PRDM5: variants seen among roughly 807,000 people sequenced by gnomAD.
The protein encoded by PRDM5 is PR domain zinc finger protein 5.
A neutral mutation model predicts 81.2 loss-of-function variants in PRDM5; 56 were observed. The observed-to-expected ratio is 0.69, with a 90% CI of 0.56 to 0.86. The LOEUF is 0.86. PRDM5 is among the 40% of genes least tolerant of loss of function. PRDM5 has a pLI of 0.00. For synonymous variants in PRDM5, 267 were observed against 256.4 expected (o/e 1.04, Z -0.39); for missense variants, 697 against 770.1 (o/e 0.91, Z 1.12).
chr4:120,728,158 A>G (rs1160803092), intron 14 of PRDM5, among the ~76,000 whole-genome samples: 1 of 151,834 alleles, frequency 6.6e-6, no homozygotes, highest in Non-Finnish European at 1.5e-5. Flanking sequence ...TTTCTAGACA[A>G]CAAATCTCAG....
chr4:120,747,676 A>T (rs1274417399), intron 14 of PRDM5, among the ~76,000 whole-genome samples: 1 of 152,182 alleles, frequency 6.6e-6, no homozygotes, highest in African/African-American at 2.4e-5. Context: ...CAATCTGAGG[A>T]TCAGGGATAA....
chr4:120,831,905 G>A (rs1173689943), intron 3 of PRDM5, among the ~76,000 whole-genome samples: 1 of 152,002 alleles, frequency 6.6e-6, no homozygotes, highest in Non-Finnish European at 1.5e-5. Flanking sequence ...AACATGAATT[G>A]GTCCACATCA....
At chr4:120,791,850 T>C (rs1156912992) in intron 10 of PRDM5, among the ~76,000 whole-genome samples, 2 of 152,198 alleles carry the variant, frequency 1.3e-5, no homozygotes, top group Non-Finnish European at 2.9e-5. Flanking sequence ...AGTGCCGTTA[T>C]CAAAAGAGAT....
chr4:120,770,581 T>C (rs1205365780), intron 13 of PRDM5, among the ~76,000 whole-genome samples: 1 of 152,072 alleles, frequency 6.6e-6, no homozygotes, highest in East Asian at 1.9e-4. Flanking sequence ...TTCAATTGTA[T>C]GCTTAGGTTC....
intron 3 of PRDM5, among the ~76,000 whole-genome samples, chr4:120,845,632 G>A (rs1037415177): frequency 2.0e-5 from 3 of 152,192 alleles, no homozygotes; most frequent in Non-Finnish European, 4.4e-5. Context: ...CTCTGATGGA[G>A]TGTTCAAGAA....
At chr4:120,907,311 G>A (rs1185491966) in intron 2 of PRDM5, among the ~76,000 whole-genome samples, 163 bp downstream of exon 2, 1 of 142,184 alleles carries the variant, frequency 7.0e-6, no homozygotes, top group African/African-American at 2.7e-5. Context: ...TCCAGCCTGG[G>A]CAACAAGAGC....
intron 11 of PRDM5, 69 bp downstream of exon 11, chr4:120,784,929 T>C: frequency 7.9e-7 from 1 of 1,260,764 alleles, no homozygotes; most frequent in Non-Finnish European, 1.2e-6. Flanking sequence ...ATGTCTACAT[T>C]CTCAAAGGTT....
chr4:120,913,283 G>A (rs960254346), intron 1 of PRDM5, among the ~76,000 whole-genome samples: 6 of 152,224 alleles, frequency 3.9e-5, no homozygotes, highest in African/African-American at 9.6e-5. Flanking sequence ...AGCTGGGGCT[G>A]AAGCAGCCAC....
chr4:120,857,650 C>T (rs1484096143), intron 2 of PRDM5, among the ~76,000 whole-genome samples: 2 of 151,982 alleles, frequency 1.3e-5, no homozygotes, highest in African/African-American at 4.8e-5. Flanking sequence ...TGTGTTTCCA[C>T]CCAGAAAAAG....
At chr4:120,766,109 A>C (rs1043071153) in intron 13 of PRDM5, among the ~76,000 whole-genome samples, 1 of 151,920 alleles carries the variant, frequency 6.6e-6, no homozygotes, top group African/African-American at 2.4e-5. Context: ...GCAGGTGTGC[A>C]CCACCACGCC....
chr4:120,775,569 A>G (rs578107494), intron 13 of PRDM5, among the ~76,000 whole-genome samples: 105 of 152,252 alleles, frequency 6.9e-4, no homozygotes, highest in African/African-American at 2.2e-3. Flanking sequence ...AACACACTAT[A>G]CCAAACATAA....
At chr4:120,722,770 T>C (rs1017014533) in intron 14 of PRDM5, among the ~76,000 whole-genome samples, 2 of 152,070 alleles carry the variant, frequency 1.3e-5, no homozygotes, top group African/African-American at 4.8e-5. Context: ...GAAGAGAAGG[T>C]AAGTCTATGG....
intron 14 of PRDM5, among the ~76,000 whole-genome samples, chr4:120,714,883 G>T (rs1483883651): frequency 6.6e-6 from 1 of 152,116 alleles, no homozygotes; most frequent in Non-Finnish European, 1.5e-5. Context: ...GGCAGATATT[G>T]TAAGTCTGAA....
intron 2 of PRDM5, among the ~76,000 whole-genome samples, chr4:120,899,140 C>T (rs915965711): frequency 3.8e-5 from 5 of 132,890 alleles, no homozygotes; most frequent in Non-Finnish European, 8.3e-5. Flanking sequence ...CAGCTGATTA[C>T]TGAGACCCTG....
chr4:120,733,900 A>C (rs951737727), intron 14 of PRDM5, among the ~76,000 whole-genome samples: 58 of 151,918 alleles, frequency 3.8e-4, no homozygotes, highest in African/African-American at 1.4e-3. Context: ...AGTAAAAAAA[A>C]AAAAAAACAA....
At chr4:120,756,030 C>CA (rs1466302194) in intron 13 of PRDM5, among the ~76,000 whole-genome samples, 9 of 152,188 alleles carry the variant, frequency 5.9e-5, no homozygotes, top group Non-Finnish European at 1.5e-5. Flanking sequence ...TTCTCTGAGA[C>CA]AAAATCAACC....
chr4:120,855,963 T>C (rs973220489), intron 2 of PRDM5, among the ~76,000 whole-genome samples: 1 of 152,234 alleles, frequency 6.6e-6, no homozygotes, highest in African/African-American at 2.4e-5. Flanking sequence ...GTGTTTAACA[T>C]CTGGAATTCT....
chr4:120,920,264 T>A lies in PRDM5; in HGVS notation c.93+2252A>T, dbSNP rs563286460. 9.4e-4 allele frequency among the ~76,000 whole-genome samples: 143 copies of A among 152,224 alleles called. 2 individuals are homozygous for A. The highest frequency in any genetic ancestry group is 1.7e-3 in the Admixed American group (26 of 15,284). On this transcript the variant is annotated intron_variant, in intron 1 of 15. Coordinates refer to ENST00000264808, the MANE Select transcript of PRDM5 (RefSeq NM_018699.4). Reference sequence around the variant, plus strand: ...TTGCAAGCACTTTTTAAAACAGGAGTGTTATACAAGCATATGTGTTATAAA... The same window carrying A: ...TTGCAAGCACTTTTTAAAACAGGAGAGTTATACAAGCATATGTGTTATAAA...
intron 3 of PRDM5, among the ~76,000 whole-genome samples, chr4:120,851,857 T>C (rs1259817300): frequency 2.0e-5 from 3 of 152,152 alleles, no homozygotes; most frequent in Non-Finnish European, 4.4e-5. Flanking sequence ...TGACCACATG[T>C]ATATGAAGCT....
Sources: gnomAD v4.1 joint callset for allele counts (sites outside exome capture counted in the v4.1 genomes callset) on GRCh38, gnomAD v4.1.1 for gene constraint, MANE v1.5 for transcripts, NCBI Gene and HGNC (gene_info 2026-07-23, HGNC 2026-07-21) for gene names.